BRME1: variants seen among roughly 807,000 people sequenced by gnomAD.
BRME1 encodes break repair meiotic recombinase recruitment factor 1.
A neutral mutation model predicts 52.6 loss-of-function variants in BRME1; 31 were observed. That is an observed-to-expected ratio of 0.59 (90% CI 0.44 to 0.80). The LOEUF is 0.80. Ranked by LOEUF, BRME1 falls within the 30% of genes least tolerant of loss-of-function variation. The probability of loss-of-function intolerance (pLI) is 0.00; values close to 1 mark genes in which losing one functional copy is unlikely to be tolerated. For synonymous variants in BRME1, 359 were observed against 353.6 expected (o/e 1.02, Z -0.17); for missense variants, 804 against 860.3 (o/e 0.93, Z 0.82).
intron 3 of BRME1, among the ~76,000 whole-genome samples, chr19:13,893,641 A>G (rs1174586658): frequency 6.6e-6 from 1 of 152,168 alleles, no homozygotes; most frequent in East Asian, 1.9e-4. Flanking sequence ...AGAGTCTCCT[A>G]GGCTGGGCGT....
chr19:13,904,797 A>C, intron 2 of BRME1, 65 bp downstream of exon 2: 1 of 1,544,310 alleles, frequency 6.5e-7, no homozygotes, highest in Non-Finnish European at 9.0e-7. Context: ...TCTGCAATAA[A>C]CAAGCCCACA....
chr19:13,901,499 G>A (rs1044258829), intron 2 of BRME1, among the ~76,000 whole-genome samples: 1 of 151,786 alleles, frequency 6.6e-6, no homozygotes, highest in Non-Finnish European at 1.5e-5. Context: ...AGGAGTTAGA[G>A]AGCAGCCTAG....
At chr19:13,892,724 C>G in intron 5 of BRME1, 62 bp downstream of exon 5, 1 of 1,403,464 alleles carries the variant, frequency 7.1e-7, no homozygotes, top group Non-Finnish European at 1.0e-6. Context: ...ATGGGGCTGC[C>G]GAGGCTGGGC....
rs189726649 is a variant in BRME1 at position 13,892,682 on chromosome 19, G to T, written c.393+104C>A. 900 of 795,730 alleles carry T rather than the reference G, an allele frequency of 1.1e-3. 5 individuals are homozygous for T. Among genetic ancestry groups the T allele is most frequent in the Middle Eastern group, 6.7e-3 (20 of 2,978 alleles). 49.3% of individuals were successfully genotyped at this position (795,730 alleles called of 1,614,324 possible). On this transcript the variant is annotated intron_variant, in intron 5 of 8. Transcript: ENST00000586783. The stretch of plus-strand genomic sequence containing the variant: ...GAAAACGGTGGGTGGAGAGGTGCAG[G>T]CCTCACCATTGCCAAAGAACTCCAG...
At chr19:13,905,170 G>A (rs1970596098) in intron 1 of BRME1, among the ~76,000 whole-genome samples, 1 of 151,982 alleles carries the variant, frequency 6.6e-6, no homozygotes, top group Non-Finnish European at 1.5e-5. Flanking sequence ...TGGGCCCTGG[G>A]GGGTCCTTAT....
Position 13,892,842 on chromosome 19 carries a change from C to G in BRME1, c.337G>C (p.Val113Leu), listed in dbSNP as rs201659831. The change falls in exon 5 of 9, where the codon GTG (valine) becomes CTG (leucine). Residue 113 changes from valine (V) to leucine (L), a missense_variant. Transcript: ENST00000586783. ...TCCTTCATCTCTTCTTTTCTTGTCACTGTCTTCCTGGATTTTGCAAACTGG... is the reference window on the plus strand; with the variant it reads ...TCCTTCATCTCTTCTTTTCTTGTCAGTGTCTTCCTGGATTTTGCAAACTGG... ...VPQFAKSRKT[V>L]TRKEEMKDED... 1.9e-6 allele frequency: 3 copies of G among 1,614,118 alleles called. No individual in the cohort carries two copies. Among genetic ancestry groups the G allele is most frequent in the South Asian group, 2.2e-5 (2 of 91,092 alleles).
At position 13,882,650 on chromosome 19, in the gene BRME1, C is replaced by T; in HGVS notation, c.*152G>A. The T allele has an allele frequency of 9.9e-7, 1 of 1,014,532 alleles. No homozygotes were observed. The highest frequency in any genetic ancestry group is 1.5e-6 in the Non-Finnish European group (1 of 683,762). The allele number at this position is 1,014,532 out of a possible 1,614,324, so 62.8% of individuals were successfully genotyped here. ...GACCCTGGCCAGGTGAGGCCAGGAC[C>T]TCACGGCCTCCTTTGTGTTGTCCAT... On this transcript the variant is annotated 3_prime_UTR_variant, in exon 9 of 9. Transcript: ENST00000586783.
chr19:13,902,583 C>T (rs1330331973), intron 2 of BRME1, among the ~76,000 whole-genome samples: 1 of 150,638 alleles, frequency 6.6e-6, no homozygotes, highest in African/African-American at 2.4e-5. Context: ...TTGCGGTGAG[C>T]CGAGATCGCG....
intron 2 of BRME1, among the ~76,000 whole-genome samples, chr19:13,898,727 C>T (rs1970084213): frequency 6.6e-6 from 1 of 151,756 alleles, no homozygotes; most frequent in Non-Finnish European, 1.5e-5. Context: ...AGTTTAAGAC[C>T]AGCCTGACCA....
chr19:13,898,110 T>TAATTA, intron 2 of BRME1, among the ~76,000 whole-genome samples: 1 of 151,448 alleles, frequency 6.6e-6, no homozygotes, highest in East Asian at 1.9e-4. Flanking sequence ...AAAAAATAAA[T>TAATTA]AATTAAATTA....
Position 13,888,613 on chromosome 19 carries a change from T to C in BRME1, c.1668+575A>G, listed in dbSNP as rs877701. ...GAGGAGGCCACATCCGGGCAGCCGG[T>C]GGGGCGGGCAGATCCCTGAAGGAGG... On this transcript the variant is annotated intron_variant, in intron 6 of 8. Transcript: ENST00000586783. The surrounding 1 kb of genome is among the most constrained non-coding windows in gnomAD (Gnocchi z 4.1). 0.34 allele frequency among the ~76,000 whole-genome samples: 51,946 copies of C among 152,220 alleles called. 12,024 individuals carry two copies. The highest frequency in any genetic ancestry group is 0.66 in the African/African-American group (27,481 of 41,534).
Position 13,890,271 on chromosome 19 carries a change from T to C in BRME1, c.585A>G (p.Pro195=). Residue 195 remains proline, a synonymous_variant, in exon 6 of 9, where the codon CCA becomes CCG. Coordinates refer to ENST00000586783, the MANE Select transcript of BRME1 (RefSeq NM_001345843.2). ...GSGDSQPDDP[P]DRGTGLSASQ... ...AGGCGGACAACCCCGTCCCCCTGTC[T>C]GGAGGGTCATCAGGCTGAGAATCCC... is the stretch of plus-strand genomic sequence containing the variant. 6.2e-7 allele frequency: 1 copy of C among 1,613,498 alleles called. No homozygotes were observed. The highest frequency in any genetic ancestry group is 8.5e-7 in the Non-Finnish European group (1 of 1,179,578).
rs943643908 is a variant in BRME1 at position 13,895,452 on chromosome 19, G to A, written c.126C>T (p.His42=). ...CCAATTTGCCCTCTGGCTCCTCAGG[G>A]TGATGTAAACAGCCCAACATGGAAC... ...PQSSMLGCLH[H]PEEPEGKLGP... is the part of the protein sequence containing the mutation. Residue 42 remains histidine, a synonymous_variant, in exon 3 of 9, where the codon CAC becomes CAT. Transcript: ENST00000586783. The A allele has an allele frequency of 1.2e-6, 2 of 1,614,118 alleles. No homozygotes were observed. Among genetic ancestry groups the A allele is most frequent in the East Asian group, 4.5e-5 (2 of 44,882 alleles).
At chr19:13,901,396 C>T (rs954982671) in intron 2 of BRME1, among the ~76,000 whole-genome samples, 4 of 151,986 alleles carry the variant, frequency 2.6e-5, no homozygotes, top group African/African-American at 9.7e-5. Context: ...TGTGATGATT[C>T]GATTTTCCAA....
intron 3 of BRME1, among the ~76,000 whole-genome samples, chr19:13,893,939 G>C (rs539730867): frequency 6.6e-6 from 1 of 151,266 alleles, no homozygotes; most frequent in East Asian, 1.9e-4. Context: ...ATGTCTGCTA[G>C]ATGGAAGGCC....
Position 13,889,582 on chromosome 19 carries a change from C to T in BRME1, c.1274G>A (p.Ser425Asn), listed in dbSNP as rs1221838136. ...PTASLALAPG[S>N]GESMMGAGDS... is the part of the protein sequence containing the mutation. ...TCCAGCACCCATCATGGACTCTCCG[C>T]TCCCAGGTGCCAGAGCCAGGGAGGC... The change falls in exon 6 of 9, where the codon AGC (serine) becomes AAC (asparagine). Residue 425 changes from serine (S) to asparagine (N), a missense_variant. Ser to Asn is a conservative substitution (Grantham distance 46, BLOSUM62 1). Transcript: ENST00000586783. 2 of 1,612,220 alleles carry T rather than the reference C, an allele frequency of 1.2e-6. No individual in the cohort carries two copies. Among genetic ancestry groups the T allele is most frequent in the African/African-American group, 1.3e-5 (1 of 74,914 alleles).
intron 2 of BRME1, among the ~76,000 whole-genome samples, chr19:13,904,378 A>G (rs1424424283): frequency 6.6e-6 from 1 of 152,056 alleles, no homozygotes; most frequent in Non-Finnish European, 1.5e-5. Flanking sequence ...AAGTGCTAGG[A>G]TTACAGGCGT....
chr19:13,899,714 T>G (rs922530902), intron 2 of BRME1, among the ~76,000 whole-genome samples: 30 of 152,090 alleles, frequency 2.0e-4, no homozygotes, highest in Admixed American at 1.6e-3. Flanking sequence ...AACACATTCC[T>G]AACCGTCCGG....
At position 13,893,108 on chromosome 19, in the gene BRME1, C is replaced by T. The variant is rs750932958; in HGVS notation, c.288+34G>A. The T allele has an allele frequency of 3.3e-5, 52 of 1,563,156 alleles. No individual in the cohort carries two copies. In the Middle Eastern group the frequency reaches 3.5e-3, roughly 106 times the overall value. On this transcript the variant is annotated intron_variant, in intron 4 of 8. Coordinates refer to ENST00000586783, the MANE Select transcript of BRME1 (RefSeq NM_001345843.2). ...CGGAACTTTAAGGGAGGCAGTGGTG[C>T]TTCTATATCCACGAGGCCACAGGAC...
Sources: gnomAD v4.1 joint callset for allele counts (sites outside exome capture counted in the v4.1 genomes callset) on GRCh38, gnomAD v4.1.1 for gene constraint, Gnocchi (gnomAD v3.1) non-coding constraint, MANE v1.5 for transcripts, NCBI Gene and HGNC (gene_info 2026-07-23, HGNC 2026-07-21) for gene names.